HVCN1: variants seen among roughly 807,000 people sequenced by gnomAD.
The protein encoded by HVCN1 is hydrogen voltage gated channel 1.
A neutral mutation model predicts 29.2 loss-of-function variants in HVCN1; 14 were observed. The ratio of observed to expected loss-of-function variants is 0.48; its 90% confidence interval spans 0.32 to 0.75. HVCN1 has a LOEUF of 0.75. Among genes scored for constraint, HVCN1 ranks in the 30% least tolerant of loss-of-function variants. The pLI is 0.04. For synonymous variants in HVCN1, 131 were observed against 133.2 expected, an observed-to-expected ratio of 0.98 and a Z score of 0.11; for missense variants, 263 against 341.8, an observed-to-expected ratio of 0.77 and a Z score of 1.82.
At chr12:110,654,025 G>A (rs1305902164) in intron 5 of HVCN1, among the ~76,000 whole-genome samples, 1 of 152,110 alleles carries the variant, frequency 6.6e-6, no homozygotes, top group African/African-American at 2.4e-5. Context: ...GTGCGTCCGT[G>A]GGGATGTATA....
At chr12:110,649,515 C>G (rs748236751) in intron 7 of HVCN1, 40 bp from the exon 8 acceptor site, 2 of 1,462,244 alleles carry the variant, frequency 1.4e-6, no homozygotes, top group Non-Finnish European at 1.9e-6. Context: ...TTACTTTGAG[C>G]CTCGCCAGGG....
At chr12:110,683,376 T>C (rs1048807441) in intron 2 of HVCN1, 112 bp from the exon 3 acceptor site, 49 of 1,316,290 alleles carry the variant, frequency 3.7e-5, no homozygotes, top group Non-Finnish European at 4.6e-5. Context: ...TAGTTTTAAC[T>C]GTGCCCGAAA....
intron 3 of HVCN1, among the ~76,000 whole-genome samples, chr12:110,671,814 T>C (rs1406721493): frequency 6.6e-6 from 1 of 152,194 alleles, no homozygotes; most frequent in South Asian, 2.1e-4. Context: ...CTGCTGTCGC[T>C]TGATACTTTT....
At chr12:110,692,564 G>A (rs1361392093), upstream of HVCN1, among the ~76,000 whole-genome samples, 1 of 151,912 alleles carries the variant, frequency 6.6e-6, no homozygotes, top group Admixed American at 6.6e-5. Flanking sequence ...TATAAAAAAT[G>A]TTTTAAAAAA....
chr12:110,668,877 A>G (rs772929934), intron 3 of HVCN1, among the ~76,000 whole-genome samples: 32 of 151,942 alleles, frequency 2.1e-4, no homozygotes, highest in Non-Finnish European at 4.1e-4. Context: ...GTGCTTGGCA[A>G]TCTCGCCCCC....
Position 110,658,603 on chromosome 12 carries a change from G to A in HVCN1, c.306+2561C>T, listed in dbSNP as rs1180279650. 4.6e-5 allele frequency among the ~76,000 whole-genome samples: 7 copies of A among 152,142 alleles called. No homozygotes were observed. Among genetic ancestry groups the A allele is most frequent in the Non-Finnish European group, 8.8e-5 (6 of 68,018 alleles). ...CGGGCTCACTCCTGCTCAGCATGCA[G>A]GTGTCACCTCCTTCGACTCCAGTCC... On this transcript the variant is annotated intron_variant, in intron 4 of 7. Coordinates refer to ENST00000242607, the MANE Select transcript of HVCN1 (RefSeq NM_032369.4). The surrounding 1 kb of genome is among the most constrained non-coding windows in gnomAD (Gnocchi z 5.0).
intron 7 of HVCN1, 46 bp downstream of exon 7, chr12:110,650,122 G>C (rs778879902): frequency 4.5e-6 from 6 of 1,321,930 alleles, no homozygotes; most frequent in Non-Finnish European, 6.6e-6. Context: ...TAGGATTACA[G>C]GCATGAGCCA....
chr12:110,685,874 G>T (rs1332885224), intron 2 of HVCN1, among the ~76,000 whole-genome samples: 1 of 152,054 alleles, frequency 6.6e-6, no homozygotes, highest in African/African-American at 2.4e-5. Flanking sequence ...AGAAAGGGGG[G>T]TCTCACTATG....
In HVCN1 at chr12:110,661,378, A is replaced by G. The variant is rs1447326649; in HGVS notation, c.92T>C (p.Val31Ala). ...GTTCCAGGCATGGTAGTCGTCTCCC[A>G]CGACCGTGAAGTGCCTTAAGAACTT... ...MSKFLRHFTV[V>A]GDDYHAWNIN... is the part of the protein sequence containing the mutation. The change falls in exon 4 of 8, where the codon GTG (valine) becomes GCG (alanine). Residue 31 changes from valine (V) to alanine (A), a missense_variant. Physicochemically the swap from Val to Ala is moderately conservative, Grantham distance 64. This residue lies in a region of HVCN1 where 157 missense variants were observed against 181.3 expected (regional missense o/e 0.87). Coordinates refer to ENST00000242607, the MANE Select transcript of HVCN1 (RefSeq NM_032369.4). The surrounding 1 kb of genome is among the most constrained non-coding windows in gnomAD (Gnocchi z 6.2). The G allele has an allele frequency of 1.2e-6, 2 of 1,614,020 alleles. No homozygotes were observed. The highest frequency in any genetic ancestry group is 2.2e-5 in the East Asian group (1 of 44,886).
chr12:110,684,104 G>T (rs1346492219), intron 2 of HVCN1, among the ~76,000 whole-genome samples: 6 of 152,046 alleles, frequency 3.9e-5, no homozygotes, highest in African/African-American at 1.4e-4. Flanking sequence ...ATTGGTGGTT[G>T]CCAGGGGCTG....
chr12:110,698,866 G>A (rs543958820), intron 2 of HVCN1, among the ~76,000 whole-genome samples: 3 of 152,266 alleles, frequency 2.0e-5, no homozygotes, highest in East Asian at 3.9e-4. Context: ...GGTGGCTCAC[G>A]CCTGTAATCC....
rs956653834 is a variant in HVCN1 at position 110,658,241 on chromosome 12, G to A, written c.307-2903C>T. ...TAACTATTAATATATCAAGCACCTT[G>A]GCCATCTCAAACCACCCAAGAAAGG... On this transcript the variant is annotated intron_variant, in intron 4 of 7. Transcript: ENST00000242607. This position sits in a 1 kb window ranked among gnomAD's most constrained non-coding sequence, Gnocchi z 5.0. Among the ~76,000 whole-genome samples, 4 of 151,978 alleles carry A rather than the reference G, an allele frequency of 2.6e-5. No individual in the cohort carries two copies. Among genetic ancestry groups the A allele is most frequent in the Non-Finnish European group, 4.4e-5 (3 of 67,970 alleles).
At chr12:110,651,573 G>A (rs2067815954) in intron 5 of HVCN1, 125 bp from the exon 6 acceptor site, 3 of 676,656 alleles carry the variant, frequency 4.4e-6, no homozygotes. Flanking sequence ...GATGCCCAGT[G>A]CTGGAAACAC....
intron 2 of HVCN1, among the ~76,000 whole-genome samples, chr12:110,698,353 G>C (rs143013252): frequency 6.6e-6 from 1 of 152,336 alleles, no homozygotes; most frequent in African/African-American, 2.4e-5. Context: ...GGAGGCAGAA[G>C]ACACTAGAAA....
intron 3 of HVCN1, among the ~76,000 whole-genome samples, chr12:110,672,324 A>G (rs1199890352): frequency 6.6e-6 from 1 of 151,778 alleles, no homozygotes; most frequent in Non-Finnish European, 1.5e-5. Flanking sequence ...TTTACAAGAG[A>G]CTCCCACGTG....
At position 110,672,530 on chromosome 12, in the gene HVCN1, C is replaced by G. The variant is rs540574428; in HGVS notation, c.21+10695G>C. ...ATGGGAAAACTGACAAAATCAACCC[C>G]AACTCCCAGGAGGAGAGAGGGACTG... On this transcript the variant is annotated intron_variant, in intron 3 of 7. Coordinates refer to ENST00000242607, the MANE Select transcript of HVCN1 (RefSeq NM_032369.4). Among the ~76,000 whole-genome samples the G allele has an allele frequency of 9.9e-5, 15 of 152,278 alleles. No homozygotes were observed. The South Asian group carries it at 3.1e-3, about 32-fold the overall frequency.
intron 3 of HVCN1, among the ~76,000 whole-genome samples, chr12:110,665,154 C>T (rs1442489485): frequency 1.3e-5 from 2 of 152,122 alleles, no homozygotes; most frequent in East Asian, 1.9e-4. Context: ...AGGAAGACAA[C>T]AACATAAACT....
Position 110,652,199 on chromosome 12 carries a change from C to T in HVCN1, c.412-751G>A, listed in dbSNP as rs553368919. 5.3e-5 allele frequency among the ~76,000 whole-genome samples: 8 copies of T among 152,198 alleles called. No homozygotes were observed. The East Asian group carries it at 1.4e-3, about 26-fold the overall frequency. ...ACCTGAGGCCCGGAGTTTGAGACCA[C>T]GTTGGCCAACATGGTGAAAACCTGT... On this transcript the variant is annotated intron_variant, in intron 5 of 7. Coordinates refer to ENST00000242607, the MANE Select transcript of HVCN1 (RefSeq NM_032369.4).
chr12:110,674,624 C>T (rs2068687463), intron 3 of HVCN1, among the ~76,000 whole-genome samples: 1 of 152,174 alleles, frequency 6.6e-6, no homozygotes, highest in South Asian at 2.1e-4. Flanking sequence ...ATGCTATTCT[C>T]ATGATAGCAA....
Sources: gnomAD v4.1 joint callset for allele counts (sites outside exome capture counted in the v4.1 genomes callset) on GRCh38, gnomAD v4.1.1 for gene constraint, gnomAD v4.1.1 regional missense constraint, Gnocchi (gnomAD v3.1) non-coding constraint, MANE v1.5 for transcripts, NCBI Gene and HGNC (gene_info 2026-07-23, HGNC 2026-07-21) for gene names.